The following ZSWIM6 variants were observed in gnomAD, a reference collection of about 807,000 sequenced individuals.
ZSWIM6 encodes the protein zinc finger SWIM domain-containing protein 6.
Under a neutral mutation model 113.2 loss-of-function variants are expected in ZSWIM6, and 9 were observed. The observed-to-expected ratio is 0.08, with a 90% CI of 0.05 to 0.14. The LOEUF is 0.14. Among genes scored for constraint, ZSWIM6 ranks in the 10% least tolerant of loss-of-function variants. The probability of loss-of-function intolerance (pLI) is 1.00; values close to 1 mark genes in which losing one functional copy is unlikely to be tolerated. For synonymous variants in ZSWIM6, 611 were observed against 606.5 expected, an observed-to-expected ratio of 1.01 and a Z score of -0.11; for missense variants, 1,162 against 1,552.2, an observed-to-expected ratio of 0.75 and a Z score of 4.22.
chr5:61,544,214 C>T lies in ZSWIM6; in HGVS notation c.3545C>T (p.Ala1182Val), dbSNP rs1749821516. Residue 1182 changes from alanine to valine, a missense_variant, in exon 14 of 14, where the codon GCG (alanine) becomes GTG (valine). Physicochemically the swap from Ala to Val is moderately conservative, Grantham distance 64. Around this residue, in one of 4 missense-constraint regions of ZSWIM6, gnomAD observed 113 missense variants for 213.8 expected, o/e 0.53. Transcript: ENST00000252744. ...AAAGCCCGAGAGACCTTCTTAATGG[C>T]GCATGATGGACACATTCAGTTTACA... The part of the protein sequence containing the change: ...LSKARETFLM[A>V]HDGHIQFTQF... 1.4e-5 allele frequency: 21 copies of T among 1,551,452 alleles called. No homozygotes were observed. In the East Asian group the frequency reaches 2.7e-4, roughly 20 times the overall value.
chr5:61,538,693 C>G (rs1473461927), intron 10 of ZSWIM6, 121 bp from the exon 11 acceptor site: 1 of 1,134,526 alleles, frequency 8.8e-7, no homozygotes, highest in Non-Finnish European at 1.2e-6. Context: ...CCAGCCCTTG[C>G]TGAACTTGAG....
At chr5:61,482,286 G>T (rs1308150057) in intron 2 of ZSWIM6, among the ~76,000 whole-genome samples, 1 of 152,078 alleles carries the variant, frequency 6.6e-6, no homozygotes. Context: ...CTCGTAAGTG[G>T]GAGTTGAACA....
chr5:61,516,102 T>A (rs1748932191), intron 4 of ZSWIM6, among the ~76,000 whole-genome samples: 1 of 151,902 alleles, frequency 6.6e-6, no homozygotes, highest in Admixed American at 6.6e-5. Flanking sequence ...GGTCTTGTTT[T>A]TTAGCCTGAT....
intron 1 of ZSWIM6, among the ~76,000 whole-genome samples, chr5:61,339,805 A>G (rs1331873209): frequency 1.3e-5 from 2 of 152,220 alleles, no homozygotes; most frequent in African/African-American, 4.8e-5. Context: ...GTGCTTTGTC[A>G]CAACAAAAAG....
intron 1 of ZSWIM6, among the ~76,000 whole-genome samples, chr5:61,411,633 C>T (rs1456956381): frequency 2.0e-5 from 3 of 152,166 alleles, no homozygotes; most frequent in African/African-American, 7.2e-5. Context: ...TTATTTGTCC[C>T]AGTTCTGGAG....
At chr5:61,458,368 A>G (rs1012528346) in intron 1 of ZSWIM6, among the ~76,000 whole-genome samples, 28 of 152,220 alleles carry the variant, frequency 1.8e-4, no homozygotes, top group African/African-American at 6.8e-4. Flanking sequence ...TTGAGAATCT[A>G]TGAGGAGATC....
In ZSWIM6 at chr5:61,332,903, A is replaced by C; in HGVS notation, c.631A>C (p.Ile211Leu). Reference protein sequence around the residue: ...DETRLPFRRGIALLESGCVDN... With the variant: ...DETRLPFRRGLALLESGCVDN... ...GACGCGGCTGCCTTTCCGCCGGGGC[A>C]TCGCGCTGTTGGAAAGCGGCTGCGT... The change falls in exon 1 of 14, where the codon ATC becomes CTC. Residue 211 changes from isoleucine to leucine, a missense_variant. Physicochemically the swap from Ile to Leu is conservative, Grantham distance 5 (BLOSUM62 2). This residue lies in a region of ZSWIM6 where 333 missense variants were observed against 293.4 expected (regional missense o/e 1.13). Coordinates refer to ENST00000252744, the MANE Select transcript of ZSWIM6 (RefSeq NM_020928.2). The C allele has an allele frequency of 7.5e-7, 1 of 1,334,572 alleles. No homozygotes were observed. Among genetic ancestry groups the C allele is most frequent in the East Asian group, 3.5e-5 (1 of 28,570 alleles). The allele number at this position is 1,334,572 out of a possible 1,614,324, so 82.7% of individuals were successfully genotyped here. A position where few individuals can be genotyped will look rare whatever the true frequency, so the allele number is the denominator to read the frequency against.
At position 61,538,927 on chromosome 5, in the gene ZSWIM6, C is replaced by G. The variant is rs1749654240; in HGVS notation, c.2495C>G (p.Ser832Cys). 1 of 1,552,034 alleles carries G rather than the reference C, an allele frequency of 6.4e-7. No individual in the cohort carries two copies. Among genetic ancestry groups the G allele is most frequent in the African/African-American group, 1.4e-5 (1 of 73,056 alleles). Residue 832 changes from serine to cysteine, a missense_variant, in exon 11 of 14, where the codon TCC (serine) becomes TGC (cysteine). By Grantham distance (112) the Ser-to-Cys change is moderately radical. Coordinates refer to ENST00000252744, the MANE Select transcript of ZSWIM6 (RefSeq NM_020928.2). ...TGGTTCACTCTAAGCCACATTGAGT[C>G]CCAGCAGTGTGAGCTGGCATCCACC... Reference protein sequence around the residue: ...PRWFTLSHIESQQCELASTML... With the variant: ...PRWFTLSHIECQQCELASTML...
chr5:61,379,672 T>C (rs896479905), intron 1 of ZSWIM6, among the ~76,000 whole-genome samples: 5 of 152,216 alleles, frequency 3.3e-5, no homozygotes, highest in African/African-American at 1.2e-4. Context: ...TCATGAGGGA[T>C]AAATTTTATT....
At chr5:61,345,394 G>A (rs573398112) in intron 1 of ZSWIM6, among the ~76,000 whole-genome samples, 2 of 152,328 alleles carry the variant, frequency 1.3e-5, no homozygotes, top group South Asian at 4.1e-4. Flanking sequence ...GATTGTGTTT[G>A]CAAATTGAGT....
chr5:61,525,423 T>G (rs1749249253), intron 5 of ZSWIM6, among the ~76,000 whole-genome samples: 1 of 152,150 alleles, frequency 6.6e-6, no homozygotes, highest in African/African-American at 2.4e-5. Context: ...GTTGATCCCA[T>G]AAGGGCAGCC....
chr5:61,424,655 CT>C (rs1746427008), intron 1 of ZSWIM6, among the ~76,000 whole-genome samples: 1 of 151,708 alleles, frequency 6.6e-6, no homozygotes, highest in Admixed American at 6.6e-5. Flanking sequence ...TATGGAATTA[CT>C]TTTGTTGAGG....
intron 1 of ZSWIM6, among the ~76,000 whole-genome samples, chr5:61,356,270 A>G (rs903708697): frequency 4.6e-5 from 7 of 152,050 alleles, no homozygotes; most frequent in Non-Finnish European, 1.0e-4. Context: ...AGCTTCAAAC[A>G]CTTTTTTTAA....
At chr5:61,482,823 G>A (rs939806359) in intron 2 of ZSWIM6, among the ~76,000 whole-genome samples, 12 of 152,028 alleles carry the variant, frequency 7.9e-5, no homozygotes, top group Admixed American at 2.6e-4. Flanking sequence ...GCTGGAAAAT[G>A]CATAGTTTTT....
intron 1 of ZSWIM6, among the ~76,000 whole-genome samples, chr5:61,396,718 G>C (rs937149894): frequency 1.3e-4 from 19 of 151,734 alleles, no homozygotes; most frequent in Admixed American, 4.6e-4. Context: ...CAAGGTTGGT[G>C]GGTTATCTAC....
At chr5:61,454,740 C>G (rs2112161455) in intron 1 of ZSWIM6, among the ~76,000 whole-genome samples, 1 of 152,082 alleles carries the variant, frequency 6.6e-6, no homozygotes, top group South Asian at 2.1e-4. Flanking sequence ...CACTACCACA[C>G]CTGGCTAATT....
chr5:61,445,247 G>A (rs989684818), intron 1 of ZSWIM6, among the ~76,000 whole-genome samples: 2 of 151,992 alleles, frequency 1.3e-5, no homozygotes, highest in African/African-American at 4.8e-5. Context: ...AAAGTTTAAT[G>A]TAAATACCAG....
intron 1 of ZSWIM6, among the ~76,000 whole-genome samples, chr5:61,395,771 A>G (rs1383821361): frequency 1.3e-5 from 2 of 152,234 alleles, no homozygotes; most frequent in Non-Finnish European, 2.9e-5. Flanking sequence ...CATGAACTAC[A>G]TTAGTTATCT....
chr5:61,476,523 C>G (rs1439419319), intron 2 of ZSWIM6, among the ~76,000 whole-genome samples: 1 of 151,880 alleles, frequency 6.6e-6, no homozygotes, highest in Non-Finnish European at 1.5e-5. Context: ...CCACTACATG[C>G]TAAAAGAGGC....
Sources: allele counts gnomAD v4.1 joint callset (sites outside exome capture counted in the v4.1 genomes callset), GRCh38; gene constraint gnomAD v4.1.1; regional missense constraint gnomAD v4.1.1; transcripts MANE v1.5; gene names NCBI Gene and HGNC (gene_info 2026-07-23, HGNC 2026-07-21).